HDHD2: variants seen among roughly 807,000 people sequenced by gnomAD.
HDHD2 encodes haloacid dehalogenase-like hydrolase domain-containing protein 2.
Under a neutral mutation model 24.8 loss-of-function variants are expected in HDHD2, and 26 were observed. The ratio of observed to expected loss-of-function variants is 1.05; its 90% CI spans 0.77 to 1.45. The LOEUF is 1.45. HDHD2 is among the 40% of genes most tolerant of loss of function. The pLI is 0.00. For missense variants in HDHD2, 299 were observed against 313.4 expected, an observed-to-expected ratio of 0.95 and a Z score of 0.35; for synonymous variants, 128 against 114.9, an observed-to-expected ratio of 1.11 and a Z score of -0.73.
chr18:47,137,145 T>C (rs1050023461), intron 1 of HDHD2: 10 of 725,620 alleles, frequency 1.4e-5, no homozygotes, highest in Non-Finnish European at 2.6e-5. Context: ...CTTGGTAAAC[T>C]AATGAAAGAC....
chr18:47,142,298 GA>G (rs2063826989), intron 1 of HDHD2, among the ~76,000 whole-genome samples: 1 of 150,464 alleles, frequency 6.6e-6, no homozygotes, highest in Non-Finnish European at 1.5e-5. Flanking sequence ...AAAGTTTGTA[GA>G]AAAAAATTTT....
intron 6 of HDHD2, chr18:47,111,427 G>C (rs1420109976): frequency 2.0e-6 from 2 of 982,072 alleles, no homozygotes; most frequent in African/African-American, 3.5e-5. Context: ...ATACACAAGA[G>C]CAAAAATAGT....
Position 47,108,019 on chromosome 18 carries a change from AT to A in HDHD2, c.*662del, listed in dbSNP as rs2063487799. On this transcript the variant is annotated 3_prime_UTR_variant, in exon 7 of 7. Transcript: ENST00000300605. ...AATAGGTATCTGCAATGAATAGGTT[AT>A]TAATGGAAATATTAATTTAAATTAA... 1 of 152,684 alleles carries A rather than the reference AT, an allele frequency of 6.5e-6. No individual in the cohort carries two copies. The highest frequency in any genetic ancestry group is 2.1e-4 in the South Asian group (1 of 4,834). 9.5% of individuals were successfully genotyped at this position (152,684 alleles called of 1,614,324 possible).
Position 47,134,531 on chromosome 18 carries a change from A to G in HDHD2, c.275T>C (p.Leu92Pro). The G allele has an allele frequency of 6.2e-7, 1 of 1,614,212 alleles. No individual in the cohort carries two copies. The highest frequency in any genetic ancestry group is 1.6e-4 in the Middle Eastern group (1 of 6,062). The part of the protein sequence containing the change: ...LLERKQVRPM[L>P]LVDDRALPDF... ...AGGTAGTGCCCGATCATCAACTAGCAGCATGGGTCTGACTTGTTTCCGCTC... is the reference window on the plus strand; with the variant it reads ...AGGTAGTGCCCGATCATCAACTAGCGGCATGGGTCTGACTTGTTTCCGCTC... Residue 92 changes from leucine to proline, a missense_variant, in exon 3 of 7, where the codon CTG becomes CCG. Leu to Pro is a moderately conservative substitution (Grantham distance 98). Transcript: ENST00000300605.
intron 1 of HDHD2, among the ~76,000 whole-genome samples, chr18:47,136,839 T>C (rs1301541163): frequency 6.6e-6 from 1 of 152,214 alleles, no homozygotes; most frequent in Non-Finnish European, 1.5e-5. Context: ...CAGAGTCTTC[T>C]TCATCTTTGG....
At chr18:47,145,336 A>C (rs1428962242) in intron 1 of HDHD2, among the ~76,000 whole-genome samples, 1 of 152,244 alleles carries the variant, frequency 6.6e-6, no homozygotes, top group African/African-American at 2.4e-5. Context: ...AAAGAAGAAC[A>C]AGAAAGTAGG....
At chr18:47,115,556 T>G (rs1224807060) in intron 4 of HDHD2, among the ~76,000 whole-genome samples, 1 of 148,686 alleles carries the variant, frequency 6.7e-6, no homozygotes, top group African/African-American at 2.5e-5. Flanking sequence ...GGTGATAGAT[T>G]ATTAAATTTG....
At chr18:47,144,775 G>A (rs1174913625) in intron 1 of HDHD2, among the ~76,000 whole-genome samples, 1 of 137,900 alleles carries the variant, frequency 7.3e-6, no homozygotes, top group East Asian at 2.1e-4. Context: ...ATTCCAGCTT[G>A]AGCAACAGAG....
At chr18:47,144,186 C>A (rs902591836) in intron 1 of HDHD2, among the ~76,000 whole-genome samples, 24 of 152,164 alleles carry the variant, frequency 1.6e-4, no homozygotes, top group African/African-American at 5.8e-4. Context: ...AACCCTGTGG[C>A]CTGTTTTGGC....
chr18:47,130,348 A>AG lies in HDHD2; in HGVS notation c.311-21_311-20insC. ...GTATTCCTGGGAACGGAAAAAAAAA[A>AG]TGATTGTTGCAAATGCAATTAAAAG... On this transcript the variant is annotated intron_variant, in intron 3 of 6. Transcript: ENST00000300605. 1 of 1,503,686 alleles carries AG rather than the reference A, an allele frequency of 6.7e-7. No homozygotes were observed. The highest frequency in any genetic ancestry group is 9.1e-7 in the Non-Finnish European group (1 of 1,096,278). The allele number at this position is 1,503,686 out of a possible 1,614,324, so 93.1% of individuals were successfully genotyped here.
intron 4 of HDHD2, among the ~76,000 whole-genome samples, chr18:47,124,614 G>C (rs547467717): frequency 4.2e-5 from 6 of 144,228 alleles, no homozygotes; most frequent in Non-Finnish European, 9.0e-5. Flanking sequence ...GCTGAGACAG[G>C]AGAATTGCTT....
At chr18:47,124,507 G>A (rs938182160) in intron 4 of HDHD2, among the ~76,000 whole-genome samples, 2 of 151,934 alleles carry the variant, frequency 1.3e-5, no homozygotes, top group Non-Finnish European at 2.9e-5. Flanking sequence ...GGGAGTTCGA[G>A]ACCAGCCTGA....
At chr18:47,136,914 G>T in intron 1 of HDHD2, 1 of 450,950 alleles carries the variant, frequency 2.2e-6, no homozygotes, top group Admixed American at 3.6e-5. Flanking sequence ...AGAATATGTG[G>T]CTCTCCCTCG....
chr18:47,143,608 G>A (rs369048774), intron 1 of HDHD2, among the ~76,000 whole-genome samples: 13 of 152,088 alleles, frequency 8.5e-5, no homozygotes, highest in South Asian at 8.3e-4. Context: ...TACTCAAAAC[G>A]TTTTGGGATT....
intron 3 of HDHD2, among the ~76,000 whole-genome samples, chr18:47,132,519 G>C (rs2063722992): frequency 6.6e-6 from 1 of 152,174 alleles, no homozygotes; most frequent in East Asian, 1.9e-4. Context: ...CATAGGCTTT[G>C]TGTCATTTTA....
chr18:47,143,475 A>G lies in HDHD2; in HGVS notation c.-11+6903T>C, dbSNP rs751546644. ...ATTTGTATTCTACTAATATTTCCTC[A>G]TCACACTAAAGACACAACTACTCAT... is the stretch of plus-strand genomic sequence containing the variant. On this transcript the variant is annotated intron_variant, in intron 1 of 6. Transcript: ENST00000300605. 1.9e-4 allele frequency among the ~76,000 whole-genome samples: 29 copies of G among 152,238 alleles called. 2 individuals are homozygous for G. The highest frequency in any genetic ancestry group is 3.4e-3 in the Middle Eastern group (1 of 294).
At position 47,109,998 on chromosome 18, in the gene HDHD2, G is replaced by A. The variant is rs953569620; in HGVS notation, c.677-1213C>T. 12 of 985,270 alleles carry A rather than the reference G, an allele frequency of 1.2e-5. No individual in the cohort carries two copies. In the South Asian group the frequency reaches 3.3e-4, roughly 27 times the overall value. The allele number at this position is 985,270 out of a possible 1,614,324, so 61.0% of individuals were successfully genotyped here. A position where few individuals can be genotyped will look rare whatever the true frequency, so the allele number is the denominator to read the frequency against. On this transcript the variant is annotated intron_variant, in intron 6 of 6. Coordinates refer to ENST00000300605, the MANE Select transcript of HDHD2 (RefSeq NM_032124.5). The stretch of plus-strand genomic sequence containing the variant: ...AGAGGGGAGGGAGGAAATGCAGAAC[G>A]CAGCTCCTGCCCTGTAGCCACCAGG...
rs766811068 is a variant in HDHD2, at chr18:47,130,269, A to G, written c.370T>C (p.Tyr124His). 38 of 1,605,344 alleles carry G rather than the reference A, an allele frequency of 2.4e-5. No homozygotes were observed. The highest frequency in any genetic ancestry group is 3.2e-5 in the Non-Finnish European group (37 of 1,173,260). Residue 124 changes from tyrosine to histidine, a missense_variant, in exon 4 of 7, where the codon TAT becomes CAT. Physicochemically the swap from Tyr to His is moderately conservative, Grantham distance 83. Coordinates refer to ENST00000300605, the MANE Select transcript of HDHD2 (RefSeq NM_032124.5). ...CGGAATGCTTGATTCAGAATTTGAT[A>G]ATGAAAATGTTCTGGTGCCAATCCC... The part of the protein sequence containing the change: ...VMGLAPEHFH[Y>H]QILNQAFRLL...
intron 1 of HDHD2, among the ~76,000 whole-genome samples, chr18:47,143,001 A>G (rs2063833926): frequency 6.6e-6 from 1 of 152,212 alleles, no homozygotes; most frequent in South Asian, 2.1e-4. Flanking sequence ...TACCACACAA[A>G]TATTAAATAG....
Sources: allele counts gnomAD v4.1 joint callset (sites outside exome capture counted in the v4.1 genomes callset), GRCh38; gene constraint gnomAD v4.1.1; transcripts MANE v1.5; gene names NCBI Gene and HGNC (gene_info 2026-07-23, HGNC 2026-07-21).